EFCAB6: variants seen among roughly 807,000 people sequenced by gnomAD.
The protein encoded by EFCAB6 is EF-hand calcium-binding domain-containing protein 6.
EFCAB6 carries 156 observed loss-of-function variants against 169.8 expected under a neutral mutation model. That is an observed-to-expected ratio of 0.92 (90% CI 0.81 to 1.05). The LOEUF (loss-of-function observed/expected upper bound fraction) is 1.05, where lower values mean the gene tolerates loss of function less well. EFCAB6 is among the 50% of genes least tolerant of loss of function. The probability of loss-of-function intolerance (pLI) is 0.00; values close to 1 mark genes in which losing one functional copy is unlikely to be tolerated. For synonymous variants in EFCAB6, 698 were observed against 676.4 expected (o/e 1.03, Z -0.50); for missense variants, 1,800 against 1,829.1 (o/e 0.98, Z 0.29).
rs2055304264 is a variant in EFCAB6, at chr22:43,635,290, C to A, written c.1984-74G>T. 3 of 1,073,456 alleles carry A rather than the reference C, an allele frequency of 2.8e-6. No homozygotes were observed. The East Asian group carries it at 7.1e-5, about 25-fold the overall frequency. 66.5% of individuals were successfully genotyped at this position (1,073,456 alleles called of 1,614,324 possible). On this transcript the variant is annotated intron_variant, in intron 17 of 31. Transcript: ENST00000262726. ...GTCACTACTCCCAGAGCACCTCCTG[C>A]CCCTGTGCTGGCTCACAGCAGGGCT...
chr22:43,794,342 T>G (rs1051855556), intron 2 of EFCAB6, among the ~76,000 whole-genome samples: 8 of 152,234 alleles, frequency 5.3e-5, no homozygotes, highest in African/African-American at 1.9e-4. Flanking sequence ...AGTTAGACAC[T>G]ATTATCCATA....
At chr22:43,626,746 C>T (rs990319888) in intron 19 of EFCAB6, 67 bp from the exon 20 acceptor site, 1 of 1,472,852 alleles carries the variant, frequency 6.8e-7, no homozygotes, top group South Asian at 1.1e-5. Context: ...ATGCACACCC[C>T]CACGTGTAGA....
chr22:43,640,813 T>C (rs2055747525), intron 17 of EFCAB6, among the ~76,000 whole-genome samples: 1 of 152,206 alleles, frequency 6.6e-6, no homozygotes, highest in Non-Finnish European at 1.5e-5. Context: ...GTCCAGTGTT[T>C]ATACTTGGTA....
At chr22:43,569,171 C>T (rs2049664640) in intron 26 of EFCAB6, among the ~76,000 whole-genome samples, 1 of 152,234 alleles carries the variant, frequency 6.6e-6, no homozygotes, top group Non-Finnish European at 1.5e-5. Flanking sequence ...CAGAGCCAGG[C>T]CGGACCCAGG....
In EFCAB6 at chr22:43,628,098, G is replaced by A. The variant is rs2054651596; in HGVS notation, c.2233-1419C>T. On this transcript the variant is annotated intron_variant, in intron 19 of 31. Coordinates refer to ENST00000262726, the MANE Select transcript of EFCAB6 (RefSeq NM_022785.4). This position sits in a 1 kb window ranked among gnomAD's most constrained non-coding sequence, Gnocchi z 4.8. ...CAAGCCGCCACCCCCCTGACCCACA[G>A]CCTCACATCTCCAGTGGTCTGGGGG... 2.6e-5 allele frequency among the ~76,000 whole-genome samples: 4 copies of A among 151,970 alleles called. No individual in the cohort carries two copies. In the South Asian group the frequency reaches 6.2e-4, roughly 24 times the overall value.
At chr22:43,784,181 A>G (rs1222076127) in intron 2 of EFCAB6, among the ~76,000 whole-genome samples, 1 of 152,204 alleles carries the variant, frequency 6.6e-6, no homozygotes, top group Non-Finnish European at 1.5e-5. Context: ...GAAAGAAAAG[A>G]GTAGAGTGAA....
At chr22:43,716,639 A>G in intron 9 of EFCAB6, 1 of 466,190 alleles carries the variant, frequency 2.1e-6, no homozygotes, top group Non-Finnish European at 3.6e-6. Context: ...CAAAGGATGT[A>G]CTTAAAAATT....
At chr22:43,590,379 T>C in intron 23 of EFCAB6, 150 bp from the exon 24 acceptor site, 1 of 783,708 alleles carries the variant, frequency 1.3e-6, no homozygotes, top group Non-Finnish European at 1.9e-6. Flanking sequence ...AGTGTAATAC[T>C]GACATTAAAA....
At chr22:43,542,754 A>G (rs1377981768) in intron 27 of EFCAB6, among the ~76,000 whole-genome samples, 1 of 151,894 alleles carries the variant, frequency 6.6e-6, no homozygotes, top group Admixed American at 6.6e-5. Context: ...TAGAACACCA[A>G]TGGGCCTAAC....
At chr22:43,530,765 C>A in intron 31 of EFCAB6, 50 bp downstream of exon 31, 1 of 1,604,652 alleles carries the variant, frequency 6.2e-7, no homozygotes, top group Non-Finnish European at 8.5e-7. Context: ...TGGCCGCTGG[C>A]ATTTGGCAGC....
intron 23 of EFCAB6, among the ~76,000 whole-genome samples, chr22:43,591,006 T>G (rs2051476147): frequency 6.6e-6 from 1 of 151,990 alleles, no homozygotes; most frequent in African/African-American, 2.4e-5. Context: ...GGCACTTTTA[T>G]TTTTAAGAAA....
At chr22:43,607,841 T>C (rs1031511820) in intron 22 of EFCAB6, among the ~76,000 whole-genome samples, 26 of 152,146 alleles carry the variant, frequency 1.7e-4, no homozygotes, top group Non-Finnish European at 3.5e-4. Context: ...AACTTGGAAA[T>C]AGACCACATT....
intron 2 of EFCAB6, among the ~76,000 whole-genome samples, chr22:43,803,890 T>G (rs564069427): frequency 6.6e-6 from 1 of 152,340 alleles, no homozygotes; most frequent in Admixed American, 6.5e-5. Context: ...TCCTTTTTCT[T>G]TCTTTAGAGA....
chr22:43,624,084 T>A (rs2054320452), intron 20 of EFCAB6, among the ~76,000 whole-genome samples: 1 of 152,110 alleles, frequency 6.6e-6, no homozygotes, highest in Non-Finnish European at 1.5e-5. Context: ...CTTATGGACA[T>A]GTCACTAACT....
chr22:43,692,669 C>T (rs528086241), intron 10 of EFCAB6, among the ~76,000 whole-genome samples: 1 of 151,386 alleles, frequency 6.6e-6, no homozygotes, highest in Non-Finnish European at 1.5e-5. Flanking sequence ...AAATATAGAC[C>T]AACTGAACCC....
chr22:43,671,520 C>T (rs1360402149), intron 15 of EFCAB6, among the ~76,000 whole-genome samples: 4 of 152,160 alleles, frequency 2.6e-5, no homozygotes, highest in Admixed American at 1.3e-4. Flanking sequence ...GCAACTCACA[C>T]GCACAAAATG....
chr22:43,776,568 C>T (rs537273101), intron 3 of EFCAB6, among the ~76,000 whole-genome samples: 115 of 152,152 alleles, frequency 7.6e-4, no homozygotes, highest in African/African-American at 2.6e-3. Context: ...AGCTGAAACC[C>T]GGAAGGATAA....
intron 12 of EFCAB6, 78 bp from the exon 13 acceptor site, chr22:43,678,241 T>A: frequency 7.0e-7 from 1 of 1,437,138 alleles, no homozygotes; most frequent in Non-Finnish European, 9.4e-7. Flanking sequence ...ATGTTTAGCA[T>A]CATTTAATAA....
intron 17 of EFCAB6, among the ~76,000 whole-genome samples, chr22:43,663,813 T>C (rs961764263): frequency 2.0e-5 from 3 of 152,134 alleles, no homozygotes; most frequent in Admixed American, 6.5e-5. Context: ...AAGTCTACAG[T>C]GTACCACCCA....
Sources: gnomAD v4.1 joint callset for allele counts (sites outside exome capture counted in the v4.1 genomes callset) on GRCh38, gnomAD v4.1.1 for gene constraint, Gnocchi (gnomAD v3.1) non-coding constraint, MANE v1.5 for transcripts, NCBI Gene and HGNC (gene_info 2026-07-23, HGNC 2026-07-21) for gene names.